Variants in TRAF3IP2 observed in about 807,000 individuals in gnomAD.
The protein encoded by TRAF3IP2 is TRAF3 interacting protein 2.
In TRAF3IP2, 35 loss-of-function variants were observed where a neutral mutation model predicts 57.9. The ratio of observed to expected loss-of-function variants is 0.60; its 90% CI spans 0.46 to 0.80. The LOEUF (loss-of-function observed/expected upper bound fraction) is 0.80, where lower values mean the gene tolerates loss of function less well. TRAF3IP2 is among the 30% of genes least tolerant of loss of function. The pLI, the probability that TRAF3IP2 is intolerant of heterozygous loss-of-function variation, is 0.00. For missense variants in TRAF3IP2, 556 were observed against 706.4 expected (o/e 0.79, Z 2.41); for synonymous variants, 251 against 268.9 (o/e 0.93, Z 0.65).
intron 4 of TRAF3IP2, among the ~76,000 whole-genome samples, chr6:111,574,190 A>G (rs1216309051): frequency 6.6e-6 from 1 of 152,256 alleles, no homozygotes; most frequent in East Asian, 1.9e-4. Context: ...GTTTTGAATG[A>G]AAACAGCAAT....
At chr6:111,567,335 T>G in intron 6 of TRAF3IP2, 1 of 1,145,250 alleles carries the variant, frequency 8.7e-7, no homozygotes, top group Non-Finnish European at 1.1e-6. Context: ...CTCCCCACTC[T>G]CCGCCTTCAT....
At chr6:111,582,901 G>A (rs573120844) in intron 2 of TRAF3IP2, among the ~76,000 whole-genome samples, 1 of 152,216 alleles carries the variant, frequency 6.6e-6, no homozygotes, top group African/African-American at 2.4e-5. Context: ...GGGATCCTGA[G>A]TTTGCCACCC....
chr6:111,605,146 G>A (rs1485379517), intron 1 of TRAF3IP2, among the ~76,000 whole-genome samples: 1 of 151,982 alleles, frequency 6.6e-6, no homozygotes, highest in East Asian at 1.9e-4. Context: ...GTCACAAGAA[G>A]CTTGATTAGC....
At chr6:111,567,497 G>A (rs962907882) in intron 6 of TRAF3IP2, 127 bp downstream of exon 6, 10 of 1,310,040 alleles carry the variant, frequency 7.6e-6, no homozygotes, top group Non-Finnish European at 9.0e-6. Context: ...CAACAAGGGA[G>A]GCTTTGTTGG....
At chr6:111,561,740 T>G (rs931114167) in intron 8 of TRAF3IP2, among the ~76,000 whole-genome samples, 26 of 152,110 alleles carry the variant, frequency 1.7e-4, no homozygotes, top group African/African-American at 6.3e-4. Flanking sequence ...TTGTAGTCAA[T>G]GGGAAAACGG....
Position 111,562,968 on chromosome 6 carries a change from C to G in TRAF3IP2, c.1548G>C (p.Lys516Asn). ...RFIPVLFPNA[K>N]KEHVPTWLQN... ...TTTTGTTTCTTTGTTTGTTTACCTT[C>G]TTAGCATTTGGGAAGAGCACAGGGA... The change falls in exon 8 of 9, where the codon AAG (lysine) becomes AAC (asparagine). Residue 516 changes from lysine to asparagine, a missense_variant. Coordinates refer to ENST00000368761, the MANE Select transcript of TRAF3IP2 (RefSeq NM_147686.4). 6.2e-7 allele frequency: 1 copy of G among 1,610,210 alleles called. No individual in the cohort carries two copies. Among genetic ancestry groups the G allele is most frequent in the Non-Finnish European group, 8.5e-7 (1 of 1,178,310 alleles).
chr6:111,558,740 A>ATCTT lies in TRAF3IP2; in HGVS notation c.*661_*664dup, dbSNP rs1433631070. On this transcript the variant is annotated 3_prime_UTR_variant, in exon 9 of 9. Coordinates refer to ENST00000368761, the MANE Select transcript of TRAF3IP2 (RefSeq NM_147686.4). ...GTGAGTCACTGCGCCCAGCCTAAAA[A>ATCTT]TCTTTATTGCAAGAATAAAGCTTCC... 6.6e-6 allele frequency: 1 copy of ATCTT among 152,256 alleles called. No homozygotes were observed. The highest frequency in any genetic ancestry group is 2.4e-5 in the African/African-American group (1 of 41,554). The allele number at this position is 152,256 out of a possible 1,614,324, so 9.4% of individuals were successfully genotyped here. A position where few individuals can be genotyped will look rare whatever the true frequency, so the allele number is the denominator to read the frequency against.
At chr6:111,586,587 T>G (rs1010849983) in intron 2 of TRAF3IP2, among the ~76,000 whole-genome samples, 21 of 152,188 alleles carry the variant, frequency 1.4e-4, no homozygotes, top group African/African-American at 5.1e-4. Context: ...TGCTTTAACT[T>G]GCAAAAAGCT....
At chr6:111,604,939 C>G (rs901454768) in intron 1 of TRAF3IP2, among the ~76,000 whole-genome samples, 1 of 152,122 alleles carries the variant, frequency 6.6e-6, no homozygotes, top group Admixed American at 6.5e-5. Flanking sequence ...TGTTAGATCA[C>G]CACCCCCCAT....
At chr6:111,572,559 T>C (rs1346531860) in intron 5 of TRAF3IP2, among the ~76,000 whole-genome samples, 1 of 152,150 alleles carries the variant, frequency 6.6e-6, no homozygotes, top group African/African-American at 2.4e-5. Flanking sequence ...GTGGGCATGA[T>C]TGGTGAGAAA....
At position 111,580,394 on chromosome 6, in the gene TRAF3IP2, AGGT is replaced by A. The variant is rs756938588; in HGVS notation, c.830-8_830-6del. On this transcript the variant is annotated splice_region_variant and splice_polypyrimidine_tract_variant and intron_variant, in intron 2 of 8. Coordinates refer to ENST00000368761, the MANE Select transcript of TRAF3IP2 (RefSeq NM_147686.4). ...CTCGAGGGTAGTCATGGCCATCTGT[AGGT>A]GAAGACAACAAAGACAACAGGGAAC... The A allele has an allele frequency of 6.5e-7, 1 of 1,536,966 alleles. No homozygotes were observed. Among genetic ancestry groups the A allele is most frequent in the Non-Finnish European group, 8.7e-7 (1 of 1,147,566 alleles).
chr6:111,578,048 A>G (rs551538579), intron 3 of TRAF3IP2, among the ~76,000 whole-genome samples: 250 of 152,294 alleles, frequency 1.6e-3, no homozygotes, highest in African/African-American at 5.8e-3. Context: ...TCATTATCCT[A>G]AAGTGATAAA....
intron 8 of TRAF3IP2, among the ~76,000 whole-genome samples, chr6:111,561,071 A>G (rs1795418354): frequency 6.6e-6 from 1 of 152,052 alleles, no homozygotes; most frequent in Admixed American, 6.6e-5. Flanking sequence ...AACCCCAGCT[A>G]CTTGGGAGGC....
In TRAF3IP2 at chr6:111,591,854, C is replaced by A. The variant is rs973361796; in HGVS notation, c.233G>T (p.Arg78Leu). 6.2e-7 allele frequency: 1 copy of A among 1,614,080 alleles called. No homozygotes were observed. The highest frequency in any genetic ancestry group is 8.5e-7 in the Non-Finnish European group (1 of 1,180,016). ...TTGAGTGCGCAGGCAGGTGACCTGC[C>A]GGGATACAGGCCGCTGGTGATTTGC... ...KLANHQRPVSRQVTCLRTQVL... is the reference protein window; with the variant it reads ...KLANHQRPVSLQVTCLRTQVL... The change falls in exon 2 of 9, where the codon CGG (arginine) becomes CTG (leucine). Residue 78 changes from arginine to leucine, a missense_variant. Arg to Leu is a moderately radical substitution (Grantham distance 102). Transcript: ENST00000368761. The surrounding 1 kb of genome is among the most constrained non-coding windows in gnomAD (Gnocchi z 4.9).
Position 111,592,071 on chromosome 6 carries a change from G to C in TRAF3IP2, c.16C>G (p.Pro6Ala), listed in dbSNP as rs1471659672. MNRSI[P>A]VEVDESEPYP... Reference sequence around the variant, plus strand: ...GGTTCTGATTCATCAACCTCCACAGGAATGCTTCGGTTCATTCTAGTTTCT... The same window carrying C: ...GGTTCTGATTCATCAACCTCCACAGCAATGCTTCGGTTCATTCTAGTTTCT... Residue 6 changes from proline (P) to alanine (A), a missense_variant, in exon 2 of 9, where the codon CCT becomes GCT. Around this residue, in one of 2 missense-constraint regions of TRAF3IP2, gnomAD observed 428 missense variants for 498.7 expected, o/e 0.86. Coordinates refer to ENST00000368761, the MANE Select transcript of TRAF3IP2 (RefSeq NM_147686.4). 2 of 1,613,818 alleles carry C rather than the reference G, an allele frequency of 1.2e-6. No homozygotes were observed. The highest frequency in any genetic ancestry group is 8.5e-7 in the Non-Finnish European group (1 of 1,179,756).
chr6:111,562,316 A>G (rs1795473875), intron 8 of TRAF3IP2, among the ~76,000 whole-genome samples: 1 of 152,220 alleles, frequency 6.6e-6, no homozygotes, highest in Admixed American at 6.5e-5. Context: ...ACAGCCAGCA[A>G]AAACCATACA....
intron 3 of TRAF3IP2, among the ~76,000 whole-genome samples, chr6:111,579,654 C>T (rs1796097661): frequency 1.3e-5 from 2 of 152,218 alleles, no homozygotes; most frequent in South Asian, 4.1e-4. Flanking sequence ...ATCGCTTGAA[C>T]CTGTAAGGTA....
chr6:111,557,773 C>A lies in TRAF3IP2; in HGVS notation c.*1632G>T, dbSNP rs1795295199. 6.6e-6 allele frequency: 1 copy of A among 151,582 alleles called. No homozygotes were observed. The highest frequency in any genetic ancestry group is 2.4e-5 in the African/African-American group (1 of 41,242). 9.4% of individuals were successfully genotyped at this position (151,582 alleles called of 1,614,324 possible). A position where few individuals can be genotyped will look rare whatever the true frequency, so the allele number is the denominator to read the frequency against. On this transcript the variant is annotated 3_prime_UTR_variant, in exon 9 of 9. Coordinates refer to ENST00000368761, the MANE Select transcript of TRAF3IP2 (RefSeq NM_147686.4). The stretch of plus-strand genomic sequence containing the variant: ...GGTGTGGTGGCTCACACCTGTAATC[C>A]CAGCACTTTGGGAGGCCGAGGTGGG...
intron 1 of TRAF3IP2, among the ~76,000 whole-genome samples, chr6:111,604,269 T>A (rs1562440899): frequency 6.6e-6 from 1 of 152,224 alleles, no homozygotes; most frequent in Non-Finnish European, 1.5e-5. Context: ...GGATTCTGTG[T>A]ATCCGCCATC....
Sources: allele counts gnomAD v4.1 joint callset (sites outside exome capture counted in the v4.1 genomes callset), GRCh38; gene constraint gnomAD v4.1.1; regional missense constraint gnomAD v4.1.1; non-coding constraint Gnocchi (gnomAD v3.1); transcripts MANE v1.5; gene names NCBI Gene and HGNC (gene_info 2026-07-23, HGNC 2026-07-21).